The following HTR1D variants were observed in gnomAD, a reference collection of about 807,000 sequenced individuals.
The protein encoded by HTR1D is 5-HT-1D.
Under a neutral mutation model 21.1 loss-of-function variants are expected in HTR1D, and 18 were observed. The ratio of observed to expected loss-of-function variants is 0.85; its 90% CI spans 0.59 to 1.27. The LOEUF (loss-of-function observed/expected upper bound fraction) is 1.27, where lower values mean the gene tolerates loss of function less well. Ranked by LOEUF, HTR1D falls within the 50% of genes most tolerant of loss-of-function variation. The probability of loss-of-function intolerance (pLI) is 0.00; values close to 1 mark genes in which losing one functional copy is unlikely to be tolerated. For missense variants in HTR1D, 456 were observed against 481.4 expected (o/e 0.95, Z 0.49); for synonymous variants, 196 against 204.4 (o/e 0.96, Z 0.35).
In HTR1D at chr1:23,193,218, G is replaced by A; in HGVS notation, c.1002C>T (p.His334=). 1 of 1,614,148 alleles carries A rather than the reference G, an allele frequency of 6.2e-7. No individual in the cohort carries two copies. The highest frequency in any genetic ancestry group is 8.5e-7 in the Non-Finnish European group (1 of 1,180,026). The change falls in exon 2 of 2, where the codon CAC becomes CAT. Residue 334 remains histidine, a synonymous_variant. Coordinates refer to ENST00000374619, the MANE Select transcript of HTR1D (RefSeq NM_000864.5). ...AGGTGAAGAAGTCAAAGAGCGCCGG[G>A]TGGATCCAGCAGGAGTCCCGGCAGA... ...LPICRDSCWI[H]PALFDFFTWL... is the part of the protein sequence containing the mutation.
At chr1:23,205,786 C>T (rs1277352261) in intron 1 of HTR1D, among the ~76,000 whole-genome samples, 1 of 152,182 alleles carries the variant, frequency 6.6e-6, no homozygotes, top group Non-Finnish European at 1.5e-5. Flanking sequence ...AGGTGACCCA[C>T]CCTCCTCAGC....
Position 23,193,998 on chromosome 1 carries a change from GT to G in HTR1D, c.221del (p.Asn74ThrfsTer3), listed in dbSNP as rs757395756. 1 of 1,614,160 alleles carries G rather than the reference GT, an allele frequency of 6.2e-7. No homozygotes were observed. The highest frequency in any genetic ancestry group is 8.5e-7 in the Non-Finnish European group (1 of 1,180,026). On this transcript the variant is annotated frameshift_variant, in exon 2 of 2. Coordinates refer to ENST00000374619, the MANE Select transcript of HTR1D (RefSeq NM_000864.5). LOFTEE classifies it high-confidence loss of function. ...LLTRKLHTPANYLIGSLATTD... is the reference protein window; with the variant it reads ...LLTRKLHTPAXYLIGSLATTD... ...TGGTGGCCAGGGAGCCAATCAGGTA[GT>G]TGGCAGGGGTGTGGAGCTTCCTGGT... is the stretch of plus-strand genomic sequence containing the variant.
intron 1 of HTR1D, among the ~76,000 whole-genome samples, chr1:23,215,629 C>T (rs1006550044): frequency 7.9e-5 from 12 of 152,210 alleles, no homozygotes; most frequent in Non-Finnish European, 1.6e-4. Context: ...GTCATCCATC[C>T]GTGGCCTAGG....
chr1:23,211,387 G>C lies in HTR1D; in HGVS notation c.-783+5904C>G, dbSNP rs375454189. Among the ~76,000 whole-genome samples the C allele has an allele frequency of 9.2e-5, 14 of 152,236 alleles. No homozygotes were observed. In the East Asian group the frequency reaches 2.1e-3, roughly 23 times the overall value. On this transcript the variant is annotated intron_variant, in intron 1 of 1. Coordinates refer to ENST00000374619, the MANE Select transcript of HTR1D (RefSeq NM_000864.5). ...AGGGAGCTATGGGAAGGAAAGTAGGGGGACAGGTAGCCTGCTGCAACCCTG... is the reference window on the plus strand; with the variant it reads ...AGGGAGCTATGGGAAGGAAAGTAGGCGGACAGGTAGCCTGCTGCAACCCTG...
At chr1:23,204,207 G>C (rs1014178168) in intron 1 of HTR1D, among the ~76,000 whole-genome samples, 3 of 151,480 alleles carry the variant, frequency 2.0e-5, no homozygotes, top group Non-Finnish European at 4.4e-5. Flanking sequence ...CTCACTGCAA[G>C]CTCCGCCTCC....
intron 1 of HTR1D, among the ~76,000 whole-genome samples, chr1:23,206,123 GCT>G (rs1644729568): frequency 6.7e-6 from 1 of 150,188 alleles, no homozygotes; most frequent in Non-Finnish European, 1.5e-5. Context: ...CTCACTGCAA[GCT>G]CCGCCTCCTG....
intron 1 of HTR1D, among the ~76,000 whole-genome samples, chr1:23,212,863 G>T (rs1644759049): frequency 6.7e-6 from 1 of 148,900 alleles, no homozygotes; most frequent in African/African-American, 2.5e-5. Flanking sequence ...GTCTCACTCT[G>T]TTGTCTAGGC....
At chr1:23,199,337 A>G (rs984225724) in intron 1 of HTR1D, among the ~76,000 whole-genome samples, 2 of 148,898 alleles carry the variant, frequency 1.3e-5, no homozygotes, top group African/African-American at 5.0e-5. Context: ...CTTGTCTTCA[A>G]ACTCCTGGAC....
intron 1 of HTR1D, among the ~76,000 whole-genome samples, chr1:23,198,804 G>A (rs535277616): frequency 6.6e-6 from 1 of 152,270 alleles, no homozygotes; most frequent in African/African-American, 2.4e-5. Context: ...AAACCATAAG[G>A]AAAAGCAAAG....
intron 1 of HTR1D, among the ~76,000 whole-genome samples, chr1:23,215,951 A>C (rs1238760342): frequency 6.6e-6 from 1 of 152,222 alleles, no homozygotes; most frequent in Admixed American, 6.5e-5. Context: ...AGCCCCTGCC[A>C]GTCAAGTCCA....
intron 1 of HTR1D, among the ~76,000 whole-genome samples, chr1:23,202,078 T>C (rs1385238183): frequency 6.6e-6 from 1 of 151,818 alleles, no homozygotes; most frequent in Non-Finnish European, 1.5e-5. Flanking sequence ...GGTTTTTTGT[T>C]GTTGTTGTTG....
rs1386992181 is a variant in HTR1D at position 23,194,574 on chromosome 1, A to G, written c.-355T>C. 1 of 174,844 alleles carries G rather than the reference A, an allele frequency of 5.7e-6. No individual in the cohort carries two copies. 10.8% of individuals were successfully genotyped at this position (174,844 alleles called of 1,614,324 possible). ...GTCATGCCCAGGGGACACATGCTGA[A>G]TTTGTTAGACAATTATCAGGGGATC... On this transcript the variant is annotated 5_prime_UTR_variant, in exon 2 of 2. Transcript: ENST00000374619.
At chr1:23,214,999 AG>A (rs1267210587) in intron 1 of HTR1D, among the ~76,000 whole-genome samples, 1 of 152,160 alleles carries the variant, frequency 6.6e-6, no homozygotes, top group Non-Finnish European at 1.5e-5. Context: ...GGCTGTAGAA[AG>A]GAGAATGAAG....
rs1039875823 is a variant in HTR1D, at chr1:23,194,343, C to T, written c.-124G>A. 94 of 810,336 alleles carry T rather than the reference C, an allele frequency of 1.2e-4. No individual in the cohort carries two copies. The highest frequency in any genetic ancestry group is 7.8e-4 in the Admixed American group (32 of 40,940). The allele number at this position is 810,336 out of a possible 1,614,324, so 50.2% of individuals were successfully genotyped here. A position where few individuals can be genotyped will look rare whatever the true frequency, so the allele number is the denominator to read the frequency against. ...GGTGGGAGCCGTACACCAGAACAGACCACAGTGAAAAGGTCTCAAGACCAG... is the reference window on the plus strand; with the variant it reads ...GGTGGGAGCCGTACACCAGAACAGATCACAGTGAAAAGGTCTCAAGACCAG... On this transcript the variant is annotated 5_prime_UTR_variant, in exon 2 of 2. Coordinates refer to ENST00000374619, the MANE Select transcript of HTR1D (RefSeq NM_000864.5).
intron 1 of HTR1D, among the ~76,000 whole-genome samples, chr1:23,206,638 C>T (rs904101038): frequency 1.3e-5 from 2 of 152,140 alleles, no homozygotes; most frequent in African/African-American, 4.8e-5. Flanking sequence ...TTTCTTCAGT[C>T]CCCTGGCTAC....
In HTR1D at chr1:23,217,209, C is replaced by G. The variant is rs1012628640; in HGVS notation, c.-783+82G>C. Among the ~76,000 whole-genome samples the G allele has an allele frequency of 6.6e-6, 1 of 151,856 alleles. No individual in the cohort carries two copies. The highest frequency in any genetic ancestry group is 2.4e-5 in the African/African-American group (1 of 41,400). On this transcript the variant is annotated intron_variant, in intron 1 of 1. Coordinates refer to ENST00000374619, the MANE Select transcript of HTR1D (RefSeq NM_000864.5). The surrounding 1 kb of genome is among the most constrained non-coding windows in gnomAD (Gnocchi z 4.6). ...CGGGACGCCCCGGGCCCCCGAGGCC[C>G]CAGGAGGGGCGCCGCTCCCGGCCTC...
chr1:23,192,294 A>G lies in HTR1D; in HGVS notation c.*792T>C, dbSNP rs1458516747. 1 of 152,600 alleles carries G rather than the reference A, an allele frequency of 6.6e-6. No individual in the cohort carries two copies. The highest frequency in any genetic ancestry group is 1.9e-4 in the East Asian group (1 of 5,192). The allele number at this position is 152,600 out of a possible 1,614,324, so 9.5% of individuals were successfully genotyped here. On this transcript the variant is annotated 3_prime_UTR_variant, in exon 2 of 2. Coordinates refer to ENST00000374619, the MANE Select transcript of HTR1D (RefSeq NM_000864.5). ...ATTTAATCTAAGAAAGACTCAGTGG[A>G]AGAAACGCATGGATATTATTTTCCA...
intron 1 of HTR1D, among the ~76,000 whole-genome samples, chr1:23,203,385 C>T (rs938070643): frequency 1.3e-5 from 2 of 152,150 alleles, no homozygotes; most frequent in Admixed American, 6.5e-5. Context: ...ATGAGCAGGG[C>T]ATGGTGGCTC....
chr1:23,202,210 C>G (rs1408077903), intron 1 of HTR1D, among the ~76,000 whole-genome samples: 1 of 152,030 alleles, frequency 6.6e-6, no homozygotes, highest in Non-Finnish European at 1.5e-5. Flanking sequence ...TATTCTCCTG[C>G]CTCAGCCTCC....
Sources: allele counts gnomAD v4.1 joint callset (sites outside exome capture counted in the v4.1 genomes callset), GRCh38; gene constraint gnomAD v4.1.1; non-coding constraint Gnocchi (gnomAD v3.1); transcripts MANE v1.5; gene names NCBI Gene and HGNC (gene_info 2026-07-23, HGNC 2026-07-21).